OPHN1: variants seen among roughly 807,000 people sequenced by gnomAD.
OPHN1 encodes oligophrenin-1.
In OPHN1, 11 loss-of-function variants were observed where a neutral mutation model predicts 60.7. The ratio of observed to expected loss-of-function variants is 0.18; its 90% CI spans 0.11 to 0.30. OPHN1 has a LOEUF of 0.30. Ranked by LOEUF, OPHN1 falls within the 10% of genes least tolerant of loss-of-function variation. The pLI is 1.00. For missense variants in OPHN1, 449 were observed against 611.0 expected (o/e 0.73, Z 2.80); for synonymous variants, 226 against 222.6 (o/e 1.02, Z -0.14).
intron 9 of OPHN1, 95 bp from the exon 10 acceptor site, chrX:68,206,768 A>C (rs754804768): frequency 1.5e-4 from 100 of 678,530 alleles, no homozygotes; most frequent in Admixed American, 2.5e-4. Context: ...ATTGCTCTTC[A>C]GAGTCAAACT....
At chrX:68,415,229 G>T (rs1356576150) in intron 2 of OPHN1, among the ~76,000 whole-genome samples, 5 of 111,816 alleles carry the variant, frequency 4.5e-5, no homozygotes, top group Non-Finnish European at 9.4e-5. Context: ...TTGGAGGCCA[G>T]ATTGCTCCAT....
intron 2 of OPHN1, among the ~76,000 whole-genome samples, chrX:68,417,991 TTGCC>T (rs1180259048): frequency 8.9e-6 from 1 of 112,429 alleles, no homozygotes; most frequent in Non-Finnish European, 1.9e-5. Context: ...TTGTACAAAA[TTGCC>T]TGCTGCAATG....
chrX:68,401,535 A>G (rs1674087650), intron 2 of OPHN1, among the ~76,000 whole-genome samples: 2 of 112,548 alleles, frequency 1.8e-5, no homozygotes, highest in South Asian at 3.7e-4. Context: ...GTACAGTGAT[A>G]CAAGACTACT....
chrX:68,212,008 C>T, intron 8 of OPHN1, 100 bp downstream of exon 8: 1 of 568,531 alleles, frequency 1.8e-6, no homozygotes, highest in Non-Finnish European at 3.0e-6. Flanking sequence ...AACAAATTGG[C>T]TAGGATGCAG....
intron 10 of OPHN1, among the ~76,000 whole-genome samples, 154 bp from the exon 11 acceptor site, chrX:68,201,864 G>C (rs1907274897): frequency 8.9e-6 from 1 of 112,045 alleles, no homozygotes; most frequent in Non-Finnish European, 1.9e-5. Context: ...CCTTCAAACA[G>C]TATTTGCAGC....
At chrX:68,269,410 A>T (rs960082217) in intron 5 of OPHN1, among the ~76,000 whole-genome samples, 10 of 111,536 alleles carry the variant, frequency 9.0e-5, no homozygotes, top group African/African-American at 3.3e-4. Context: ...ATGGAACAGA[A>T]CAGAGCCCTC....
intron 15 of OPHN1, among the ~76,000 whole-genome samples, chrX:68,120,640 A>G (rs765493180): frequency 8.9e-6 from 1 of 112,355 alleles, no homozygotes; most frequent in South Asian, 3.7e-4. Context: ...GAAGATAATC[A>G]TAAAATTCAT....
rs765865907 is a variant in OPHN1, at chrX:68,387,228, T to C, written c.154+45639A>G. On this transcript the variant is annotated intron_variant, in intron 2 of 24. Coordinates refer to ENST00000355520, the MANE Select transcript of OPHN1 (RefSeq NM_002547.3). Reference sequence around the variant, plus strand: ...TCTCTCTCTCTCTCTCTCTGCCCTATATCCTCTCCCTTGCTCCCCTCCATG... The same window carrying C: ...TCTCTCTCTCTCTCTCTCTGCCCTACATCCTCTCCCTTGCTCCCCTCCATG... 7.4e-5 allele frequency among the ~76,000 whole-genome samples: 7 copies of C among 95,071 alleles called. No individual in the cohort carries two copies. In the East Asian group the frequency reaches 2.6e-3, roughly 35 times the overall value. The allele number at this position is 95,071 out of a possible 115,157, so 82.6% of individuals were successfully genotyped here.
chrX:68,344,107 G>A lies in OPHN1; in HGVS notation c.155-45011C>T, dbSNP rs73537275. Among the ~76,000 whole-genome samples, 760 of 111,917 alleles carry A rather than the reference G, an allele frequency of 6.8e-3. 7 individuals carry two copies. Among genetic ancestry groups the A allele is most frequent in the African/African-American group, 0.024 (732 of 30,859 alleles). On this transcript the variant is annotated intron_variant, in intron 2 of 24. Coordinates refer to ENST00000355520, the MANE Select transcript of OPHN1 (RefSeq NM_002547.3). Reference sequence around the variant, plus strand: ...AAGAATGTGGGAACTATCCAAAGGTGTTGTCAACCCTTTGGCCAGGTCAAC... The same window carrying A: ...AAGAATGTGGGAACTATCCAAAGGTATTGTCAACCCTTTGGCCAGGTCAAC...
At chrX:68,225,593 T>A (rs1473195592) in intron 6 of OPHN1, among the ~76,000 whole-genome samples, 1 of 112,039 alleles carries the variant, frequency 8.9e-6, no homozygotes, top group African/African-American at 3.2e-5. Flanking sequence ...ACTCTGCTGG[T>A]GATACCCAGG....
At chrX:68,108,807 CA>C (rs2077092365) in intron 18 of OPHN1, among the ~76,000 whole-genome samples, 1 of 111,143 alleles carries the variant, frequency 9.0e-6, no homozygotes, top group Non-Finnish European at 1.9e-5. Flanking sequence ...TATTGGTGTT[CA>C]GTTTTACGGT....
chrX:68,226,827 G>A (rs1050229454), intron 6 of OPHN1, among the ~76,000 whole-genome samples: 9 of 111,485 alleles, frequency 8.1e-5, no homozygotes, highest in Non-Finnish European at 1.3e-4. Flanking sequence ...ATCAACTAAC[G>A]AGCAAAATAA....
chrX:68,356,104 A>G (rs1044889075), intron 2 of OPHN1, among the ~76,000 whole-genome samples: 2 of 110,514 alleles, frequency 1.8e-5, no homozygotes, highest in African/African-American at 6.6e-5. Context: ...TGGCTGGGGC[A>G]CGGTGCCCAA....
intron 2 of OPHN1, among the ~76,000 whole-genome samples, chrX:68,353,028 T>C (rs1347128791): frequency 9.2e-6 from 1 of 109,091 alleles, no homozygotes; most frequent in Non-Finnish European, 1.9e-5. Flanking sequence ...GGCTTGCACC[T>C]GTGGTCCCAG....
rs769674970 is a variant in OPHN1 at position 68,391,880 on chromosome X, T to TC, written c.154+40986dup. 1.4e-4 allele frequency among the ~76,000 whole-genome samples: 15 copies of TC among 110,745 alleles called. No homozygotes were observed. In the South Asian group the frequency reaches 5.4e-3, roughly 40 times the overall value. Reference sequence around the variant, plus strand: ...CTGAAAATGGCAAGGAAACAGGTTCTCCCCCCAGAGCCTCGACGAGGAACC... The same window carrying TC: ...CTGAAAATGGCAAGGAAACAGGTTCTCCCCCCCAGAGCCTCGACGAGGAACC... On this transcript the variant is annotated intron_variant, in intron 2 of 24. Coordinates refer to ENST00000355520, the MANE Select transcript of OPHN1 (RefSeq NM_002547.3).
chrX:68,341,968 GTTTTT>G (rs1173542561), intron 2 of OPHN1, among the ~76,000 whole-genome samples: 2 of 84,973 alleles, frequency 2.4e-5, no homozygotes, highest in African/African-American at 9.2e-5. Context: ...AATTTTTGGT[GTTTTT>G]TTTTTTTTTT....
intron 9 of OPHN1, among the ~76,000 whole-genome samples, chrX:68,209,869 C>A (rs1425502449): frequency 9.0e-6 from 1 of 111,278 alleles, no homozygotes; most frequent in Non-Finnish European, 1.9e-5. Context: ...TCCCTTTTTT[C>A]CAAAAGAATA....
At chrX:68,226,249 C>T (rs920056166) in intron 6 of OPHN1, among the ~76,000 whole-genome samples, 11 of 111,677 alleles carry the variant, frequency 9.8e-5, no homozygotes, top group African/African-American at 3.2e-4. Flanking sequence ...CAAATCTACG[C>T]CTGATTTGTG....
At chrX:68,250,896 C>A (rs2077830515) in intron 5 of OPHN1, among the ~76,000 whole-genome samples, 1 of 111,472 alleles carries the variant, frequency 9.0e-6, no homozygotes, top group African/African-American at 3.3e-5. Flanking sequence ...TAACACATCA[C>A]ATAGCAACAG....
Sources: gnomAD v4.1 joint callset for allele counts (sites outside exome capture counted in the v4.1 genomes callset) on GRCh38, gnomAD v4.1.1 for gene constraint, MANE v1.5 for transcripts, NCBI Gene and HGNC (gene_info 2026-07-23, HGNC 2026-07-21) for gene names.